Variants in GMDS observed in about 807,000 individuals in gnomAD.
The protein encoded by GMDS is GDP-mannose 4,6 dehydratase.
GMDS carries 20 observed loss-of-function variants against 49.9 expected under a neutral mutation model. The ratio of observed to expected loss-of-function variants is 0.40; its 90% CI spans 0.28 to 0.58. GMDS has a LOEUF of 0.58. Ranked by LOEUF, GMDS falls within the 20% of genes least tolerant of loss-of-function variation. The probability of loss-of-function intolerance (pLI) is 0.42; values close to 1 mark genes in which losing one functional copy is unlikely to be tolerated. For synonymous variants in GMDS, 177 were observed against 178.6 expected, an observed-to-expected ratio of 0.99 and a Z score of 0.07; for missense variants, 362 against 481.4, an observed-to-expected ratio of 0.75 and a Z score of 2.32.
At chr6:2,097,413 G>A (rs1773670054) in intron 4 of GMDS, among the ~76,000 whole-genome samples, 1 of 152,124 alleles carries the variant, frequency 6.6e-6, no homozygotes, top group Non-Finnish European at 1.5e-5. Context: ...GGAAGAGAAA[G>A]AGGGTGCAGC....
chr6:1,961,248 A>T (rs894144866), intron 4 of GMDS, among the ~76,000 whole-genome samples: 3 of 152,184 alleles, frequency 2.0e-5, no homozygotes, highest in Non-Finnish European at 4.4e-5. Context: ...GGGTTATTAT[A>T]GGGCAAACCC....
chr6:2,199,052 C>T (rs1177682024), intron 1 of GMDS, among the ~76,000 whole-genome samples: 1 of 152,158 alleles, frequency 6.6e-6, no homozygotes, highest in East Asian at 1.9e-4. Flanking sequence ...AATCATCTAC[C>T]CATTTTCCTA....
chr6:2,117,414 G>A (rs747749404), intron 3 of GMDS, 55 bp downstream of exon 3: 22 of 1,010,260 alleles, frequency 2.2e-5, no homozygotes, highest in Non-Finnish European at 7.9e-6. Context: ...TCTGAACATA[G>A]GAACATCTGA....
chr6:2,044,411 G>A (rs910553174), intron 4 of GMDS, among the ~76,000 whole-genome samples: 5 of 152,248 alleles, frequency 3.3e-5, no homozygotes, highest in Middle Eastern at 3.4e-3. Flanking sequence ...ATTCTTGGTG[G>A]GGACATGGAT....
chr6:2,218,722 A>G (rs1470898927), intron 1 of GMDS, among the ~76,000 whole-genome samples: 3 of 152,224 alleles, frequency 2.0e-5, no homozygotes, highest in African/African-American at 7.2e-5. Context: ...TGTGCATTCT[A>G]AAGTATTTCA....
chr6:2,010,302 G>C (rs1281200185), intron 4 of GMDS, among the ~76,000 whole-genome samples: 1 of 149,590 alleles, frequency 6.7e-6, no homozygotes, highest in Non-Finnish European at 1.5e-5. Flanking sequence ...ACTCCAGCCT[G>C]GGTGACATAG....
chr6:1,754,136 A>G (rs1330397504), intron 7 of GMDS, among the ~76,000 whole-genome samples: 2 of 152,190 alleles, frequency 1.3e-5, no homozygotes, highest in Non-Finnish European at 2.9e-5. Context: ...GTAGACTGTT[A>G]TCCAGAATAA....
intron 1 of GMDS, among the ~76,000 whole-genome samples, chr6:2,244,006 G>A (rs1483975884): frequency 6.6e-6 from 1 of 151,740 alleles, no homozygotes; most frequent in Non-Finnish European, 1.5e-5. Context: ...AGCACTACAG[G>A]TGAGCACCAA....
rs182559761 is a variant in GMDS at position 2,034,000 on chromosome 6, A to G, written c.346-73034T>C. On this transcript the variant is annotated intron_variant, in intron 4 of 10. Coordinates refer to ENST00000380815, the MANE Select transcript of GMDS (RefSeq NM_001500.4). ...AAACTTTCATAGTCATTGTTATGTC[A>G]TCCATTTCAATTTTTTAGTCACATG... Among the ~76,000 whole-genome samples the G allele has an allele frequency of 2.0e-5, 3 of 152,328 alleles. No individual in the cohort carries two copies. In the East Asian group the frequency reaches 5.8e-4, roughly 29 times the overall value.
intron 1 of GMDS, among the ~76,000 whole-genome samples, chr6:2,171,292 G>A (rs921235226): frequency 1.3e-5 from 2 of 152,182 alleles, no homozygotes; most frequent in Non-Finnish European, 2.9e-5. Context: ...AGACAGGACA[G>A]AGACAGAATG....
chr6:2,031,699 G>A (rs1768974957), intron 4 of GMDS, among the ~76,000 whole-genome samples: 2 of 152,156 alleles, frequency 1.3e-5, no homozygotes, highest in Admixed American at 1.3e-4. Context: ...TCTGGGCTCA[G>A]GGCATTCCTG....
chr6:2,162,706 AC>A (rs1169087668), intron 1 of GMDS, among the ~76,000 whole-genome samples: 7 of 144,264 alleles, frequency 4.9e-5, no homozygotes, highest in African/African-American at 2.0e-4. Flanking sequence ...ACACACACAC[AC>A]ACAAAACTTT....
intron 1 of GMDS, among the ~76,000 whole-genome samples, chr6:2,170,363 T>C (rs1777926675): frequency 6.6e-6 from 1 of 152,176 alleles, no homozygotes; most frequent in Non-Finnish European, 1.5e-5. Context: ...TACTAGCTCA[T>C]ACCTATAATC....
At chr6:2,119,515 C>G (rs1215710484) in intron 2 of GMDS, among the ~76,000 whole-genome samples, 1 of 152,144 alleles carries the variant, frequency 6.6e-6, no homozygotes, top group Non-Finnish European at 1.5e-5. Flanking sequence ...CTAATGAAAG[C>G]TGGGTCTGTC....
intron 1 of GMDS, among the ~76,000 whole-genome samples, chr6:2,175,604 T>C (rs1254991112): frequency 6.6e-6 from 1 of 152,162 alleles, no homozygotes; most frequent in Non-Finnish European, 1.5e-5. Context: ...CCCTCTCCAA[T>C]TTAACTTTCC....
chr6:2,002,674 T>A (rs1766899196), intron 4 of GMDS, among the ~76,000 whole-genome samples: 1 of 152,206 alleles, frequency 6.6e-6, no homozygotes, highest in East Asian at 1.9e-4. Flanking sequence ...ACATCAGAGA[T>A]AAGCATGATA....
At chr6:2,195,706 G>A (rs1036614537) in intron 1 of GMDS, among the ~76,000 whole-genome samples, 16 of 151,714 alleles carry the variant, frequency 1.1e-4, no homozygotes, top group African/African-American at 3.6e-4. Flanking sequence ...ACAAGGTTGG[G>A]TATGGCAGCT....
At chr6:2,146,285 T>G (rs1264969758) in intron 1 of GMDS, among the ~76,000 whole-genome samples, 1 of 152,176 alleles carries the variant, frequency 6.6e-6, no homozygotes, top group Non-Finnish European at 1.5e-5. Flanking sequence ...TACCGCAAGA[T>G]GTAGGATATA....
chr6:1,728,545 A>T (rs1460678680), intron 8 of GMDS, among the ~76,000 whole-genome samples: 1 of 152,206 alleles, frequency 6.6e-6, no homozygotes, highest in Non-Finnish European at 1.5e-5. Context: ...GTAAATCTCA[A>T]ATGCCACAAC....
Sources: allele counts gnomAD v4.1 joint callset (sites outside exome capture counted in the v4.1 genomes callset), GRCh38; gene constraint gnomAD v4.1.1; transcripts MANE v1.5; gene names NCBI Gene and HGNC (gene_info 2026-07-23, HGNC 2026-07-21).